The following TRMT11 variants were observed in gnomAD, a reference collection of about 807,000 sequenced individuals.
The protein encoded by TRMT11 is tRNA methyltransferase 11.
A neutral mutation model predicts 62.8 loss-of-function variants in TRMT11; 53 were observed. That is an observed-to-expected ratio of 0.84 (90% CI 0.68 to 1.06). The LOEUF (loss-of-function observed/expected upper bound fraction) is 1.06, where lower values mean the gene tolerates loss of function less well. Among genes scored for constraint, TRMT11 ranks in the 50% least tolerant of loss-of-function variants. The pLI, the probability that TRMT11 is intolerant of heterozygous loss-of-function variation, is 0.00. For missense variants in TRMT11, 556 were observed against 553.4 expected, an observed-to-expected ratio of 1.00 and a Z score of -0.05; for synonymous variants, 188 against 190.3, an observed-to-expected ratio of 0.99 and a Z score of 0.10.
chr6:126,160,725 C>A (rs1562337266), intron 21 of TRMT11, among the ~76,000 whole-genome samples: 1 of 152,102 alleles, frequency 6.6e-6, no homozygotes, highest in African/African-American at 2.4e-5. Context: ...TGTTTAATCC[C>A]AAACTGAAAA....
intron 1 of TRMT11, among the ~76,000 whole-genome samples, chr6:125,991,668 C>G (rs1394445473): frequency 6.6e-6 from 1 of 152,142 alleles, no homozygotes; most frequent in Admixed American, 6.5e-5. Flanking sequence ...AAAGGACAGT[C>G]TATCCTTTTG....
chr6:126,252,935 TG>T, the TRMT11 span, among the ~76,000 whole-genome samples: 1 of 152,218 alleles, frequency 6.6e-6, no homozygotes, highest in Non-Finnish European at 1.5e-5. Context: ...GAATTCCTCC[TG>T]TGTTCCAAGA....
At position 125,998,094 on chromosome 6, in the gene TRMT11, A is replaced by T. The variant is rs766214984; in HGVS notation, c.254A>T (p.Glu85Val). The T allele has an allele frequency of 3.1e-6, 5 of 1,613,604 alleles. No individual in the cohort carries two copies. Among genetic ancestry groups the T allele is most frequent in the Non-Finnish European group, 4.2e-6 (5 of 1,179,738 alleles). ...TGGGGTCATGGACAATCTCCTGAGG[A>T]GCTGTACAGTTCTCTTAAAAACTAC... Reference protein sequence around the residue: ...ELWGHGQSPEELYSSLKNYPV... With the variant: ...ELWGHGQSPEVLYSSLKNYPV... The change falls in exon 4 of 13, where the codon GAG (glutamate) becomes GTG (valine). Residue 85 changes from glutamate (E) to valine (V), a missense_variant. Physicochemically the swap from Glu to Val is moderately radical, Grantham distance 121. Transcript: ENST00000334379.
At chr6:125,993,856 T>A in intron 2 of TRMT11, 34 bp downstream of exon 2, 1 of 1,300,774 alleles carries the variant, frequency 7.7e-7, no homozygotes, top group Non-Finnish European at 1.1e-6. Flanking sequence ...ATATGGAGTA[T>A]ACTTAGAAAT....
the TRMT11 span, among the ~76,000 whole-genome samples, chr6:126,240,141 G>T: frequency 6.6e-6 from 1 of 152,086 alleles, no homozygotes; most frequent in Non-Finnish European, 1.5e-5. Context: ...TAACTTCTTT[G>T]CCGTGGGTTC....
chr6:126,021,480 G>C (rs1465655718), intron 12 of TRMT11, among the ~76,000 whole-genome samples, 200 bp downstream of exon 12: 1 of 152,188 alleles, frequency 6.6e-6, no homozygotes, highest in African/African-American at 2.4e-5. Flanking sequence ...TATAGACATA[G>C]ACATTGAGTA....
At chr6:126,192,997 G>C (rs969880821) in intron 1 of TRMT11, among the ~76,000 whole-genome samples, 2 of 152,128 alleles carry the variant, frequency 1.3e-5, no homozygotes, top group Non-Finnish European at 2.9e-5. Context: ...AAATAGGTTA[G>C]TAGAATTGGT....
intron 1 of TRMT11, among the ~76,000 whole-genome samples, chr6:126,193,428 TA>T (rs1206592669): frequency 6.6e-6 from 1 of 151,718 alleles, no homozygotes; most frequent in Non-Finnish European, 1.5e-5. Context: ...TTATTTGCTT[TA>T]TTCTTGCTTT....
intron 12 of TRMT11, among the ~76,000 whole-genome samples, chr6:126,022,745 C>T (rs2127996280): frequency 6.6e-6 from 1 of 152,254 alleles, no homozygotes; most frequent in Non-Finnish European, 1.5e-5. Context: ...AAAAGCTAAC[C>T]TATACATCTA....
At chr6:125,992,033 A>T (rs1180433678) in intron 1 of TRMT11, among the ~76,000 whole-genome samples, 2 of 152,244 alleles carry the variant, frequency 1.3e-5, no homozygotes, top group African/African-American at 4.8e-5. Context: ...TTTATTCCTA[A>T]TATAGAAAGA....
upstream of TRMT11, among the ~76,000 whole-genome samples, chr6:126,176,397 A>G (rs377055025): frequency 1.2e-4 from 18 of 148,184 alleles, no homozygotes; most frequent in East Asian, 7.7e-4. Context: ...ACATGACTCT[A>G]TAGTTCTTGG....
chr6:126,098,862 G>T (rs1451888456), intron 17 of TRMT11, among the ~76,000 whole-genome samples: 2 of 152,136 alleles, frequency 1.3e-5, no homozygotes, highest in African/African-American at 4.8e-5. Context: ...CCACAAAGGG[G>T]ATTTTTTTTA....
the TRMT11 span, among the ~76,000 whole-genome samples, chr6:126,215,582 A>G: frequency 6.6e-6 from 1 of 151,872 alleles, no homozygotes; most frequent in Non-Finnish European, 1.5e-5. Context: ...GTGTCTCTTT[A>G]TAAGTGATGT....
At chr6:126,099,772 AG>A (rs1348203762) in intron 17 of TRMT11, among the ~76,000 whole-genome samples, 2 of 152,238 alleles carry the variant, frequency 1.3e-5, no homozygotes, top group African/African-American at 4.8e-5. Flanking sequence ...CAAACAAAAA[AG>A]AAGTAGAATA....
At chr6:126,256,106 G>A in the TRMT11 span, among the ~76,000 whole-genome samples, 1 of 152,176 alleles carries the variant, frequency 6.6e-6, no homozygotes, top group African/African-American at 2.4e-5. Flanking sequence ...TGACCTACAG[G>A]CTGGTGCTGG....
In TRMT11 at chr6:126,012,843, G is replaced by A. The variant is rs1228871970; in HGVS notation, c.998G>A (p.Trp333Ter). The A allele has an allele frequency of 6.2e-7, 1 of 1,613,404 alleles. No homozygotes were observed. The highest frequency in any genetic ancestry group is 1.1e-5 in the South Asian group (1 of 91,056). Residue 333 changes from tryptophan to a stop codon, truncating the protein, a stop_gained, in exon 10 of 13, where the codon TGG becomes TAG. Coordinates refer to ENST00000334379, the MANE Select transcript of TRMT11 (RefSeq NM_001031712.3). LOFTEE classifies it high-confidence loss of function. ...GAGATACCAAAGGGGATAGAAAAATGGGAAAAATGGTAAGTGAAATTTAAA... is the reference window on the plus strand; with the variant it reads ...GAGATACCAAAGGGGATAGAAAAATAGGAAAAATGGTAAGTGAAATTTAAA... ...QKEIPKGIEKWEKCPESHVPV... is the reference protein window; with the variant it reads ...QKEIPKGIEK
intron 12 of TRMT11, among the ~76,000 whole-genome samples, chr6:126,036,182 CT>C (rs1408683946): frequency 6.6e-6 from 1 of 152,134 alleles, no homozygotes; most frequent in African/African-American, 2.4e-5. Context: ...GAATACCTGA[CT>C]GCATTCTGAT....
intron 17 of TRMT11, among the ~76,000 whole-genome samples, chr6:126,066,349 C>A (rs1776689905): frequency 6.6e-6 from 1 of 152,204 alleles, no homozygotes; most frequent in Admixed American, 6.5e-5. Flanking sequence ...ACATCAACAA[C>A]AAATACCCAT....
chr6:126,037,148 A>G (rs1212110676), intron 12 of TRMT11, among the ~76,000 whole-genome samples: 1 of 152,026 alleles, frequency 6.6e-6, no homozygotes, highest in African/African-American at 2.4e-5. Context: ...TCTTTTGGAG[A>G]AAACCTCATT....
Sources: allele counts gnomAD v4.1 joint callset (sites outside exome capture counted in the v4.1 genomes callset), GRCh38; gene constraint gnomAD v4.1.1; transcripts MANE v1.5; gene names NCBI Gene and HGNC (gene_info 2026-07-23, HGNC 2026-07-21).